Variants in ST6GAL1 observed in about 807,000 individuals in gnomAD.
ST6GAL1 encodes the protein ST6 beta-galactoside alpha-2,6-sialyltransferase 1.
In ST6GAL1, 20 loss-of-function variants were observed where a neutral mutation model predicts 38.0. The observed-to-expected ratio is 0.53, with a 90% CI of 0.37 to 0.77. The LOEUF is 0.77. Among genes scored for constraint, ST6GAL1 ranks in the 30% least tolerant of loss-of-function variants. The probability of loss-of-function intolerance (pLI) is 0.00; values close to 1 mark genes in which losing one functional copy is unlikely to be tolerated. For synonymous variants in ST6GAL1, 196 were observed against 188.2 expected, an observed-to-expected ratio of 1.04 and a Z score of -0.34; for missense variants, 432 against 496.4, an observed-to-expected ratio of 0.87 and a Z score of 1.23.
chr3:186,974,584 A>T (rs1413278693), intron 2 of ST6GAL1, among the ~76,000 whole-genome samples: 1 of 152,108 alleles, frequency 6.6e-6, no homozygotes, highest in Non-Finnish European at 1.5e-5. Flanking sequence ...GTTATAGAAC[A>T]TTTCCGTCAT....
Position 186,978,150 on chromosome 3 carries a change from G to T in ST6GAL1, c.-183+14224G>T, listed in dbSNP as rs367596159. Among the ~76,000 whole-genome samples the T allele has an allele frequency of 4.6e-5, 7 of 152,306 alleles. No homozygotes were observed. The East Asian group carries it at 1.2e-3, about 25-fold the overall frequency. Reference sequence around the variant, plus strand: ...CGCTTGAACCCAGGAGGCAGAGGTTGCAGTGAGCTGAGATCATGCCACTGC... The same window carrying T: ...CGCTTGAACCCAGGAGGCAGAGGTTTCAGTGAGCTGAGATCATGCCACTGC... On this transcript the variant is annotated intron_variant, in intron 2 of 7. Transcript: ENST00000169298.
At chr3:187,037,097 T>C (rs1157086043) in intron 2 of ST6GAL1, among the ~76,000 whole-genome samples, 1 of 152,220 alleles carries the variant, frequency 6.6e-6, no homozygotes, top group East Asian at 1.9e-4. Context: ...TTCCTAGAAG[T>C]ACAGTAGCCT....
At chr3:187,028,978 C>T (rs374029702) in intron 2 of ST6GAL1, among the ~76,000 whole-genome samples, 11 of 150,720 alleles carry the variant, frequency 7.3e-5, no homozygotes, top group South Asian at 2.1e-4. Context: ...CCCAGCTACT[C>T]GGGAGGCTGA....
rs138449671 is a variant in ST6GAL1 at position 186,965,309 on chromosome 3, G to A, written c.-183+1383G>A. On this transcript the variant is annotated intron_variant, in intron 2 of 7. Transcript: ENST00000169298. The stretch of plus-strand genomic sequence containing the variant: ...GTTTTTGACTCATAATCTCTAATGC[G>A]GGTGTGGGGGACTTCCTGCCAAATG... Among the ~76,000 whole-genome samples the A allele has an allele frequency of 2.2e-4, 34 of 152,302 alleles. No homozygotes were observed. The East Asian group carries it at 6.2e-3, about 28-fold the overall frequency.
intron 3 of ST6GAL1, among the ~76,000 whole-genome samples, chr3:187,040,540 T>C (rs1344293331): frequency 6.6e-6 from 1 of 152,258 alleles, no homozygotes; most frequent in African/African-American, 2.4e-5. Flanking sequence ...CTCAGTTTTT[T>C]CCATTTCCTA....
chr3:186,965,961 C>T (rs1579277719), intron 2 of ST6GAL1, among the ~76,000 whole-genome samples: 1 of 152,144 alleles, frequency 6.6e-6, no homozygotes, highest in African/African-American at 2.4e-5. Flanking sequence ...TACAGTGGTG[C>T]GATCTCAGCT....
intron 2 of ST6GAL1, among the ~76,000 whole-genome samples, chr3:187,022,219 A>C (rs2108565676): frequency 6.6e-6 from 1 of 152,158 alleles, no homozygotes; most frequent in South Asian, 2.1e-4. Context: ...GAATTAGAGG[A>C]CACCAAGCTG....
chr3:186,959,612 A>G (rs140807384), intron 1 of ST6GAL1, among the ~76,000 whole-genome samples: 2 of 152,320 alleles, frequency 1.3e-5, no homozygotes, highest in Admixed American at 6.5e-5. Flanking sequence ...GGCTCCCCAT[A>G]TGAACCATCA....
In ST6GAL1 at chr3:187,043,030, G is replaced by T; in HGVS notation, c.327G>T (p.Leu109=). 1 of 1,614,178 alleles carries T rather than the reference G, an allele frequency of 6.2e-7. No individual in the cohort carries two copies. Among genetic ancestry groups the T allele is most frequent in the South Asian group, 1.1e-5 (1 of 91,082 alleles). The change falls in exon 4 of 8, where the codon CTG becomes CTT. Residue 109 remains leucine, a synonymous_variant. Transcript: ENST00000169298. The stretch of plus-strand genomic sequence containing the variant: ...CTTCCAAAAACCTTATCCCTAGGCT[G>T]CAAAAGATCTGGAAGAATTACCTAA... ...DSSSKNLIPR[L]QKIWKNYLSM...
At chr3:187,051,171 C>T (rs1262830538) in intron 4 of ST6GAL1, 78 bp from the exon 5 acceptor site, 2 of 1,268,560 alleles carry the variant, frequency 1.6e-6, no homozygotes, top group Admixed American at 1.7e-5. Context: ...CTTGCCCCCT[C>T]CCCCGCCTCT....
At chr3:187,056,268 C>A (rs927344048) in intron 5 of ST6GAL1, among the ~76,000 whole-genome samples, 3 of 152,050 alleles carry the variant, frequency 2.0e-5, no homozygotes, top group South Asian at 2.1e-4. Flanking sequence ...AATTTGCCAG[C>A]CTGTATCTTT....
chr3:187,001,067 G>C (rs1274082549), intron 2 of ST6GAL1, among the ~76,000 whole-genome samples: 1 of 152,228 alleles, frequency 6.6e-6, no homozygotes, highest in Non-Finnish European at 1.5e-5. Context: ...TTTCTTTGCA[G>C]ATGAATGGTG....
chr3:186,983,883 C>T (rs766261144), intron 2 of ST6GAL1, among the ~76,000 whole-genome samples: 10 of 152,060 alleles, frequency 6.6e-5, no homozygotes, highest in Admixed American at 2.6e-4. Flanking sequence ...CAAGAACATC[C>T]GAAAAGCTCT....
At chr3:187,046,201 G>C (rs911063593) in intron 4 of ST6GAL1, among the ~76,000 whole-genome samples, 6 of 152,204 alleles carry the variant, frequency 3.9e-5, no homozygotes, top group African/African-American at 1.4e-4. Context: ...TTACCTGAGA[G>C]GGCTCATGAA....
Position 186,982,481 on chromosome 3 carries a change from T to C in ST6GAL1, c.-183+18555T>C, listed in dbSNP as rs538406761. On this transcript the variant is annotated intron_variant, in intron 2 of 7. Coordinates refer to ENST00000169298, the MANE Select transcript of ST6GAL1 (RefSeq NM_173216.2). The stretch of plus-strand genomic sequence containing the variant: ...CTATGGGGCAGTATGGCAAAGATAT[T>C]GAGGGCCAGGAATTTGACTACTTTT... Among the ~76,000 whole-genome samples the C allele has an allele frequency of 2.0e-4, 31 of 152,252 alleles. No individual in the cohort carries two copies. In the South Asian group the frequency reaches 5.8e-3, roughly 29 times the overall value.
At chr3:186,950,262 G>A (rs189048366) in intron 1 of ST6GAL1, among the ~76,000 whole-genome samples, 3 of 152,352 alleles carry the variant, frequency 2.0e-5, no homozygotes, top group East Asian at 3.9e-4. Context: ...GCTAACAGTG[G>A]AGGCTCCCTG....
intron 5 of ST6GAL1, among the ~76,000 whole-genome samples, chr3:187,062,024 T>A (rs975703431): frequency 6.6e-6 from 1 of 151,880 alleles, no homozygotes; most frequent in Non-Finnish European, 1.5e-5. Context: ...CAAACAACAA[T>A]AAAAAAAATC....
intron 5 of ST6GAL1, among the ~76,000 whole-genome samples, chr3:187,062,574 T>TCTCACACACA (rs111275733): frequency 1.4e-5 from 2 of 143,916 alleles, no homozygotes; most frequent in Non-Finnish European, 3.0e-5. Flanking sequence ...AATAAGCCAG[T>TCTCACACACA]CACACACACA....
At position 187,042,746 on chromosome 3, in the gene ST6GAL1, C is replaced by A; in HGVS notation, c.43C>A (p.Leu15Met). The A allele has an allele frequency of 6.2e-7, 1 of 1,613,976 alleles. No individual in the cohort carries two copies. The highest frequency in any genetic ancestry group is 8.5e-7 in the Non-Finnish European group (1 of 1,179,944). Residue 15 changes from leucine to methionine, a missense_variant, in exon 4 of 8, where the codon CTG becomes ATG. Transcript: ENST00000169298. ...GAAGAAAAAGTTCAGCTGCTGCGTC[C>A]TGGTCTTTCTTCTGTTTGCAGTCAT... Reference protein sequence around the residue: ...NLKKKFSCCVLVFLLFAVICV... With the variant: ...NLKKKFSCCVMVFLLFAVICV...
Sources: gnomAD v4.1 joint callset for allele counts (sites outside exome capture counted in the v4.1 genomes callset) on GRCh38, gnomAD v4.1.1 for gene constraint, MANE v1.5 for transcripts, NCBI Gene and HGNC (gene_info 2026-07-23, HGNC 2026-07-21) for gene names.